Variants in RSU1 observed in about 807,000 individuals in gnomAD.
RSU1 encodes the protein rsu-1.
A neutral mutation model predicts 31.1 loss-of-function variants in RSU1; 26 were observed. That is an observed-to-expected ratio of 0.84 (90% CI 0.61 to 1.16). RSU1 has a LOEUF of 1.16. Ranked by LOEUF, RSU1 falls within the 50% of genes most tolerant of loss-of-function variation. RSU1 has a pLI of 0.00. For synonymous variants in RSU1, 164 were observed against 136.3 expected (o/e 1.20, Z -1.41); for missense variants, 320 against 339.1 (o/e 0.94, Z 0.44).
At chr10:16,709,824 C>A (rs570959532) in intron 7 of RSU1, among the ~76,000 whole-genome samples, 2 of 152,212 alleles carry the variant, frequency 1.3e-5, no homozygotes, top group South Asian at 2.1e-4. Context: ...ATATCCTTTG[C>A]CCACTTTTTG....
At chr10:16,608,062 C>G (rs1031743504) in intron 8 of RSU1, among the ~76,000 whole-genome samples, 1 of 152,112 alleles carries the variant, frequency 6.6e-6, no homozygotes, top group African/African-American at 2.4e-5. Context: ...AACTCTTGGA[C>G]TCAAGCCATC....
At chr10:16,764,608 CAT>C in intron 3 of RSU1, 98 bp from the exon 4 acceptor site, 1 of 1,325,918 alleles carries the variant, frequency 7.5e-7, no homozygotes, top group Non-Finnish European at 1.0e-6. Context: ...CAAAGAAAGA[CAT>C]AACTTCAAAA....
chr10:16,776,961 C>T, intron 3 of RSU1, among the ~76,000 whole-genome samples: 1 of 151,726 alleles, frequency 6.6e-6, no homozygotes, highest in East Asian at 1.9e-4. Flanking sequence ...CCCTGTCACC[C>T]AGGCTGGAGT....
chr10:16,775,078 A>T (rs1255326985), intron 3 of RSU1, among the ~76,000 whole-genome samples: 1 of 152,232 alleles, frequency 6.6e-6, no homozygotes, highest in Non-Finnish European at 1.5e-5. Flanking sequence ...GAGATGCTCT[A>T]CAAGAATGTA....
At chr10:16,680,530 G>A (rs1037256449) in intron 8 of RSU1, among the ~76,000 whole-genome samples, 2 of 152,112 alleles carry the variant, frequency 1.3e-5, no homozygotes, top group African/African-American at 4.8e-5. Flanking sequence ...CTTGCTTCTA[G>A]GGAGGCCTCA....
intron 7 of RSU1, chr10:16,727,055 C>T: frequency 2.2e-6 from 1 of 456,576 alleles, no homozygotes. Context: ...GGAAGAGTTT[C>T]AAGGAACTAA....
intron 8 of RSU1, among the ~76,000 whole-genome samples, chr10:16,634,684 T>A (rs1248216154): frequency 6.6e-6 from 1 of 152,192 alleles, no homozygotes; most frequent in African/African-American, 2.4e-5. Flanking sequence ...CCATTACCAT[T>A]TGGCACAATT....
At chr10:16,781,826 A>C (rs1837657886) in intron 3 of RSU1, among the ~76,000 whole-genome samples, 1 of 152,232 alleles carries the variant, frequency 6.6e-6, no homozygotes, top group Non-Finnish European at 1.5e-5. Context: ...GTCTCAAAAA[A>C]AAGAAAAGAA....
At chr10:16,730,944 C>T (rs927439895) in intron 7 of RSU1, among the ~76,000 whole-genome samples, 16 of 152,138 alleles carry the variant, frequency 1.1e-4, no homozygotes, top group African/African-American at 3.6e-4. Flanking sequence ...GTGCCTCAGT[C>T]TCTGAAGTAG....
At chr10:16,698,470 G>A (rs1287984789) in intron 7 of RSU1, among the ~76,000 whole-genome samples, 1 of 152,154 alleles carries the variant, frequency 6.6e-6, no homozygotes, top group African/African-American at 2.4e-5. Flanking sequence ...TAAGTGTGCA[G>A]TCTTTTCAGT....
rs974233199 is a variant in RSU1 at position 16,729,749 on chromosome 10, A to C, written c.598+22790T>G. ...TATGTCAAAGATTGTTTGCAAAAAC[A>C]GCTGTGATCATCCCGCCCTCTCCTC... On this transcript the variant is annotated intron_variant, in intron 7 of 8. Transcript: ENST00000345264. 3.2e-4 allele frequency among the ~76,000 whole-genome samples: 48 copies of C among 152,290 alleles called. 1 individual carries two copies. The highest frequency in any genetic ancestry group is 1.9e-3 in the East Asian group (10 of 5,178).
At chr10:16,723,013 CAT>C (rs763617704) in intron 7 of RSU1, 7 of 148,114 alleles carry the variant, frequency 4.7e-5, no homozygotes, top group East Asian at 2.0e-4. Flanking sequence ...TAGACACAAA[CAT>C]ACACACATAT....
intron 8 of RSU1, among the ~76,000 whole-genome samples, chr10:16,648,096 G>C (rs908366064): frequency 1.3e-5 from 2 of 150,072 alleles, no homozygotes; most frequent in African/African-American, 4.9e-5. Context: ...CTACAGTCAT[G>C]AGCCATTGTG....
intron 8 of RSU1, among the ~76,000 whole-genome samples, chr10:16,597,900 G>C (rs557756791): frequency 6.6e-6 from 1 of 152,368 alleles, no homozygotes; most frequent in Admixed American, 6.5e-5. Flanking sequence ...TCCTCCAGCT[G>C]TGTGGGCAGA....
intron 8 of RSU1, among the ~76,000 whole-genome samples, chr10:16,684,639 C>A (rs76894448): frequency 0.014 from 2,141 of 152,206 alleles, 58 homozygotes; most frequent in African/African-American, 0.048. Flanking sequence ...TCAGAAAAAA[C>A]CAATCCTGCT....
At chr10:16,789,884 T>C (rs1039930237) in intron 2 of RSU1, among the ~76,000 whole-genome samples, 5 of 152,224 alleles carry the variant, frequency 3.3e-5, no homozygotes, top group African/African-American at 1.2e-4. Context: ...ATTTCAAAAT[T>C]CAACTCAGTA....
In RSU1 at chr10:16,618,088, CA is replaced by C. The variant is rs200773574; in HGVS notation, c.732-24593del. On this transcript the variant is annotated intron_variant, in intron 8 of 8. Transcript: ENST00000345264. ...AAATTTTTGCAATCTACCCATCTGA[CA>C]AAGGTCTATTATCTAGAATCTACAA... 4.9e-3 allele frequency among the ~76,000 whole-genome samples: 740 copies of C among 152,252 alleles called. 5 individuals carry two copies. Among genetic ancestry groups the C allele is most frequent in the African/African-American group, 0.017 (713 of 41,538 alleles).
At chr10:16,593,554 C>CACTGGAAGAGCTTTCAGGAAT in intron 8 of RSU1, 58 bp from the exon 9 acceptor site, 6 of 1,308,298 alleles carry the variant, frequency 4.6e-6, no homozygotes, top group Non-Finnish European at 5.5e-6. Context: ...AGATAGCTTT[C>CACTGGAAGAGCTTTCAGGAAT]ACTGGAAGAG....
intron 2 of RSU1, 130 bp from the exon 3 acceptor site, chr10:16,782,214 G>A: frequency 1.5e-6 from 1 of 666,596 alleles, no homozygotes; most frequent in South Asian, 1.9e-5. Context: ...CACCAAAATA[G>A]AAGCTAGGAT....
Sources: gnomAD v4.1 joint callset for allele counts (sites outside exome capture counted in the v4.1 genomes callset) on GRCh38, gnomAD v4.1.1 for gene constraint, MANE v1.5 for transcripts, NCBI Gene and HGNC (gene_info 2026-07-23, HGNC 2026-07-21) for gene names.